Variants in NBAS observed in about 807,000 individuals in gnomAD.
The protein encoded by NBAS is NBAS subunit of NRZ tethering complex, also known as NAG/BC035112 fusion.
NBAS carries 219 observed loss-of-function variants against 302.5 expected under a neutral mutation model. The ratio of observed to expected loss-of-function variants is 0.72; its 90% confidence interval spans 0.65 to 0.81. NBAS has a LOEUF of 0.81. NBAS is among the 30% of genes least tolerant of loss of function. The probability of loss-of-function intolerance (pLI) is 0.00; values close to 1 mark genes in which losing one functional copy is unlikely to be tolerated. For missense variants in NBAS, 2,932 were observed against 2,841.6 expected, an observed-to-expected ratio of 1.03 and a Z score of -0.72; for synonymous variants, 1,118 against 1,021.6, an observed-to-expected ratio of 1.09 and a Z score of -1.80.
At chr2:15,359,777 T>C (rs1673804216) in intron 32 of NBAS, among the ~76,000 whole-genome samples, 1 of 152,194 alleles carries the variant, frequency 6.6e-6, no homozygotes, top group African/African-American at 2.4e-5. Flanking sequence ...TGGTTCATAG[T>C]TGGATGCTCA....
intron 40 of NBAS, among the ~76,000 whole-genome samples, chr2:15,300,070 G>A (rs946697592): frequency 2.0e-5 from 3 of 152,300 alleles, no homozygotes; most frequent in African/African-American, 4.8e-5. Flanking sequence ...TCATCTGAGA[G>A]AGCTGCTGGG....
chr2:14,900,422 TG>T, the NBAS span, among the ~76,000 whole-genome samples: 8 of 152,256 alleles, frequency 5.3e-5, no homozygotes, highest in Non-Finnish European at 1.0e-4. Flanking sequence ...TTACCACTTT[TG>T]CCTTTTTTGT....
the NBAS span, among the ~76,000 whole-genome samples, chr2:15,161,087 T>C: frequency 6.6e-6 from 1 of 152,012 alleles, no homozygotes; most frequent in African/African-American, 2.4e-5. Flanking sequence ...GAGTGTGGAG[T>C]TGAGCAAAAG....
the NBAS span, among the ~76,000 whole-genome samples, chr2:14,810,747 G>A: frequency 6.6e-6 from 1 of 152,158 alleles, no homozygotes; most frequent in Non-Finnish European, 1.5e-5. Context: ...TTCCTCTAAA[G>A]CCCTAAGCAT....
At chr2:14,905,030 G>A in the NBAS span, among the ~76,000 whole-genome samples, 1 of 152,212 alleles carries the variant, frequency 6.6e-6, no homozygotes, top group Non-Finnish European at 1.5e-5. Flanking sequence ...CTGGGCGACA[G>A]AGTGAGACTC....
intron 50 of NBAS, among the ~76,000 whole-genome samples, chr2:15,180,738 G>A (rs1213758910): frequency 6.6e-6 from 1 of 152,188 alleles, no homozygotes; most frequent in Non-Finnish European, 1.5e-5. Flanking sequence ...TGCAACCGAG[G>A]AACTGCATTT....
chr2:15,393,166 A>C (rs1675691692), intron 28 of NBAS, among the ~76,000 whole-genome samples: 1 of 152,086 alleles, frequency 6.6e-6, no homozygotes, highest in Non-Finnish European at 1.5e-5. Context: ...GGGGGGAGAA[A>C]AACATTGTGG....
rs147298803 is a variant in NBAS, at chr2:15,552,301, T to C, written c.336-765A>G. 3.1e-3 allele frequency among the ~76,000 whole-genome samples: 468 copies of C among 152,250 alleles called. 1 individual carries two copies. The highest frequency in any genetic ancestry group is 0.011 in the African/African-American group (445 of 41,532). On this transcript the variant is annotated intron_variant, in intron 5 of 51. Transcript: ENST00000281513. ...ATTAAACTTTGCTATGTGCACCCAA[T>C]GAAATATTATGGAATTACTATAGTC...
the NBAS span, among the ~76,000 whole-genome samples, chr2:14,917,997 C>A: frequency 6.6e-5 from 10 of 152,050 alleles, no homozygotes; most frequent in Non-Finnish European, 1.5e-4. Flanking sequence ...CCCAGTGGGA[C>A]CCCTGGTTTT....
At chr2:14,927,343 G>A in the NBAS span, among the ~76,000 whole-genome samples, 12 of 152,214 alleles carry the variant, frequency 7.9e-5, no homozygotes, top group African/African-American at 2.4e-4. Context: ...CTTTATGACC[G>A]GCTTGACTCA....
chr2:14,960,208 T>C, the NBAS span, among the ~76,000 whole-genome samples: 4 of 152,262 alleles, frequency 2.6e-5, no homozygotes, highest in African/African-American at 7.2e-5. Flanking sequence ...AATTCCCTCC[T>C]GTGCCTTCAC....
At chr2:15,068,492 C>T in the NBAS span, among the ~76,000 whole-genome samples, 1 of 152,180 alleles carries the variant, frequency 6.6e-6, no homozygotes, top group Non-Finnish European at 1.5e-5. Context: ...AAGCAATGAA[C>T]CCCAAACCCC....
intron 13 of NBAS, among the ~76,000 whole-genome samples, chr2:15,477,968 A>G (rs1303576354): frequency 2.0e-5 from 3 of 152,196 alleles, no homozygotes. Context: ...ACCCAAGGGC[A>G]TCTGAAAAGG....
Position 15,379,762 on chromosome 2 carries a change from A to T in NBAS, c.3430T>A (p.Cys1144Ser), listed in dbSNP as rs1049723909. 3.1e-6 allele frequency: 5 copies of T among 1,614,092 alleles called. No homozygotes were observed. Among genetic ancestry groups the T allele is most frequent in the Non-Finnish European group, 4.2e-6 (5 of 1,179,992 alleles). ...NIHLAGQMMH[C>S]SACSENPPAG... is the part of the protein sequence containing the mutation. ...GGAGGATTTTCTGAACAAGCACTGC[A>T]GTGCATCATCTGTCCAGCCAGGTGG... The change falls in exon 30 of 52, where the codon TGC becomes AGC. Residue 1144 changes from cysteine to serine, a missense_variant. Physicochemically the swap from Cys to Ser is moderately radical, Grantham distance 112. Transcript: ENST00000281513.
intron 12 of NBAS, among the ~76,000 whole-genome samples, chr2:15,479,713 T>C (rs181838039): frequency 1.3e-5 from 2 of 152,342 alleles, no homozygotes; most frequent in East Asian, 3.9e-4. Flanking sequence ...GAATAAGCAC[T>C]AGAACCGGGG....
chr2:15,387,226 C>G (rs1166513810), intron 28 of NBAS, among the ~76,000 whole-genome samples: 2 of 151,970 alleles, frequency 1.3e-5, no homozygotes, highest in African/African-American at 2.4e-5. Context: ...TGCTACCATG[C>G]CTGGCTAATT....
the NBAS span, among the ~76,000 whole-genome samples, chr2:14,843,583 A>C: frequency 0.015 from 1,396 of 94,180 alleles, 12 homozygotes; most frequent in Middle Eastern, 0.028. Context: ...CACACACACA[A>C]AAATACCTTC....
the NBAS span, among the ~76,000 whole-genome samples, chr2:14,794,273 T>C: frequency 6.6e-6 from 1 of 152,160 alleles, no homozygotes; most frequent in Non-Finnish European, 1.5e-5. Context: ...CTTTGGCAAA[T>C]AAACCTCCTA....
At chr2:15,390,567 G>C (rs1358027496) in intron 28 of NBAS, among the ~76,000 whole-genome samples, 1 of 151,672 alleles carries the variant, frequency 6.6e-6, no homozygotes, top group Non-Finnish European at 1.5e-5. Flanking sequence ...CTGTATATGG[G>C]ATCACGCTAA....
Sources: allele counts gnomAD v4.1 joint callset (sites outside exome capture counted in the v4.1 genomes callset), GRCh38; gene constraint gnomAD v4.1.1; transcripts MANE v1.5; gene names NCBI Gene and HGNC (gene_info 2026-07-23, HGNC 2026-07-21).